Variants in TMEM236 observed in about 807,000 individuals in gnomAD.
The protein encoded by TMEM236 is family with sequence similarity 23, member A.
Under a neutral mutation model 14.7 loss-of-function variants are expected in TMEM236, and 11 were observed. The observed-to-expected ratio is 0.75, with a 90% CI of 0.47 to 1.24. The LOEUF (loss-of-function observed/expected upper bound fraction) is 1.24, where lower values mean the gene tolerates loss of function less well. Among genes scored for constraint, TMEM236 ranks in the 50% most tolerant of loss-of-function variants. The probability of loss-of-function intolerance (pLI) is 0.00; values close to 1 mark genes in which losing one functional copy is unlikely to be tolerated. For missense variants in TMEM236, 464 were observed against 427.3 expected (o/e 1.09, Z -0.76); for synonymous variants, 182 against 168.6 (o/e 1.08, Z -0.62).
intron 3 of TMEM236, among the ~76,000 whole-genome samples, chr10:17,779,098 A>G (rs1035114833): frequency 6.6e-6 from 1 of 152,238 alleles, no homozygotes; most frequent in South Asian, 2.1e-4. Flanking sequence ...ACAAGAATAC[A>G]AAGGATAGCC....
At chr10:17,753,327 G>A (rs1453874403) in intron 1 of TMEM236, among the ~76,000 whole-genome samples, 7 of 152,260 alleles carry the variant, frequency 4.6e-5, no homozygotes, top group Admixed American at 1.3e-4. Context: ...GGGATTTGTC[G>A]TACAGATTAT....
intron 3 of TMEM236, among the ~76,000 whole-genome samples, chr10:17,795,419 T>C (rs1837995237): frequency 6.6e-6 from 1 of 152,224 alleles, no homozygotes; most frequent in African/African-American, 2.4e-5. Context: ...TTCTCAGCTC[T>C]GTTCTGAGGA....
At chr10:17,781,067 A>G (rs868917926) in intron 3 of TMEM236, among the ~76,000 whole-genome samples, 8,257 of 152,212 alleles carry the variant, frequency 0.054, 309 homozygotes, top group Non-Finnish European at 0.081. Context: ...GGCAAAGAGA[A>G]GGGAAGATGG....
intron 3 of TMEM236, among the ~76,000 whole-genome samples, chr10:17,790,171 A>C (rs1837904040): frequency 6.6e-6 from 1 of 152,192 alleles, no homozygotes; most frequent in African/African-American, 2.4e-5. Context: ...TCAAAGCTGC[A>C]ATGAGCCAGG....
chr10:17,761,581 G>C (rs1200794619), intron 1 of TMEM236, among the ~76,000 whole-genome samples: 2 of 151,116 alleles, frequency 1.3e-5, no homozygotes, highest in African/African-American at 4.9e-5. Flanking sequence ...GTAGTCCCCG[G>C]TACTCAGGAG....
chr10:17,778,062 A>C (rs1481259479), intron 3 of TMEM236, among the ~76,000 whole-genome samples: 2 of 151,760 alleles, frequency 1.3e-5, no homozygotes, highest in African/African-American at 4.8e-5. Flanking sequence ...TTAAAGGGGA[A>C]TTTCCTTGCA....
intron 1 of TMEM236, among the ~76,000 whole-genome samples, chr10:17,754,094 A>G (rs895585223): frequency 0.01 from 1,549 of 152,306 alleles, 28 homozygotes; most frequent in African/African-American, 0.034. Context: ...ATGCTATTCT[A>G]AGTAGTAAAT....
At chr10:17,758,357 TG>T (rs1323305875) in intron 1 of TMEM236, among the ~76,000 whole-genome samples, 5 of 152,204 alleles carry the variant, frequency 3.3e-5, no homozygotes, top group African/African-American at 1.2e-4. Flanking sequence ...TCATGAGCCC[TG>T]TGAGGCTGGT....
At chr10:17,770,063 A>G (rs1000486890) in intron 1 of TMEM236, among the ~76,000 whole-genome samples, 18 of 152,022 alleles carry the variant, frequency 1.2e-4, no homozygotes, top group Admixed American at 8.5e-4. Context: ...TTTAGCTCCC[A>G]CTTATAAGTG....
At position 17,792,648 on chromosome 10, in the gene TMEM236, A is replaced by G. The variant is rs994332229; in HGVS notation, c.473-3273A>G. 1.8e-4 allele frequency among the ~76,000 whole-genome samples: 28 copies of G among 152,354 alleles called. No homozygotes were observed. In the South Asian group the frequency reaches 5.4e-3, roughly 29 times the overall value. The stretch of plus-strand genomic sequence containing the variant: ...TCATTTAGCTTACACAGTGACGACC[A>G]AAAGTCGTTTCAGCAACTAGAATCA... On this transcript the variant is annotated intron_variant, in intron 3 of 3. Transcript: ENST00000377495.
At chr10:17,791,404 G>T (rs1385079511) in intron 3 of TMEM236, among the ~76,000 whole-genome samples, 2 of 152,124 alleles carry the variant, frequency 1.3e-5, no homozygotes, top group African/African-American at 2.4e-5. Context: ...GCTGTAGTGC[G>T]CTATGATTGT....
chr10:17,788,934 C>A (rs1837878878), intron 3 of TMEM236, among the ~76,000 whole-genome samples: 1 of 152,214 alleles, frequency 6.6e-6, no homozygotes, highest in Non-Finnish European at 1.5e-5. Context: ...GTTTTGAGCA[C>A]AGGCAGTAGT....
intron 1 of TMEM236, among the ~76,000 whole-genome samples, chr10:17,768,605 A>G (rs1837514217): frequency 6.6e-6 from 1 of 152,212 alleles, no homozygotes; most frequent in African/African-American, 2.4e-5. Flanking sequence ...GTAGCAAACA[A>G]GTCAGATACG....
chr10:17,752,632 T>C lies in TMEM236; in HGVS notation c.257+80T>C, dbSNP rs1034822347. Reference sequence around the variant, plus strand: ...CCCAGGCTGGAGTGCAGTAGGGCAGTCTTGGCTCACTGCAACGTCCGCCTC... The same window carrying C: ...CCCAGGCTGGAGTGCAGTAGGGCAGCCTTGGCTCACTGCAACGTCCGCCTC... On this transcript the variant is annotated intron_variant, in intron 1 of 3. Coordinates refer to ENST00000377495, the MANE Select transcript of TMEM236 (RefSeq NM_001098844.3). 1.5e-4 allele frequency: 221 copies of C among 1,438,396 alleles called. No individual in the cohort carries two copies. The African/African-American group carries it at 2.6e-3, about 17-fold the overall frequency. The allele number at this position is 1,438,396 out of a possible 1,614,324, so 89.1% of individuals were successfully genotyped here. A position where few individuals can be genotyped will look rare whatever the true frequency, so the allele number is the denominator to read the frequency against.
chr10:17,777,813 GCTGCAACCT>G (rs1837683418), intron 3 of TMEM236, among the ~76,000 whole-genome samples: 1 of 151,936 alleles, frequency 6.6e-6, no homozygotes, highest in African/African-American at 2.4e-5. Flanking sequence ...ACCTCTGCTC[GCTGCAACCT>G]CTGCCTCCTG....
Position 17,798,668 on chromosome 10 carries a change from T to C in TMEM236, c.*2164T>C. On this transcript the variant is annotated 3_prime_UTR_variant, in exon 4 of 4. Transcript: ENST00000377495. ...ACTGTAAAAGAAGATTTACTCACAG[T>C]TGTTAAAAGCTTGCCTTCCAGCTTT... 1.9e-6 allele frequency: 1 copy of C among 534,594 alleles called. No individual in the cohort carries two copies. Among genetic ancestry groups the C allele is most frequent in the East Asian group, 5.4e-5 (1 of 18,368 alleles). The allele number at this position is 534,594 out of a possible 1,614,324, so 33.1% of individuals were successfully genotyped here.
intron 3 of TMEM236, among the ~76,000 whole-genome samples, chr10:17,776,418 A>G (rs1837659696): frequency 6.6e-6 from 1 of 152,234 alleles, no homozygotes; most frequent in African/African-American, 2.4e-5. Context: ...AATAGTTAAT[A>G]CCAAAAACCT....
intron 1 of TMEM236, among the ~76,000 whole-genome samples, chr10:17,770,696 CTG>C (rs2131748544): frequency 6.6e-6 from 1 of 152,258 alleles, no homozygotes; most frequent in South Asian, 2.1e-4. Flanking sequence ...TTTAAATTTT[CTG>C]TGTCATAAGA....
chr10:17,794,360 T>A (rs1372069203), intron 3 of TMEM236, among the ~76,000 whole-genome samples: 1 of 152,184 alleles, frequency 6.6e-6, no homozygotes, highest in Non-Finnish European at 1.5e-5. Context: ...CTTTGTCAAG[T>A]CCTGATAATT....
Sources: gnomAD v4.1 joint callset for allele counts (sites outside exome capture counted in the v4.1 genomes callset) on GRCh38, gnomAD v4.1.1 for gene constraint, MANE v1.5 for transcripts, NCBI Gene and HGNC (gene_info 2026-07-23, HGNC 2026-07-21) for gene names.